STOX2: variants seen among roughly 807,000 people sequenced by gnomAD.
STOX2 encodes storkhead-box protein 2.
In STOX2, 28 loss-of-function variants were observed where a neutral mutation model predicts 60.9. The observed-to-expected ratio is 0.46, with a 90% CI of 0.34 to 0.63. The LOEUF (loss-of-function observed/expected upper bound fraction) is 0.63. Ranked by LOEUF, STOX2 falls within the 30% of genes least tolerant of loss-of-function variation. The pLI is 0.01. For missense variants in STOX2, 1,024 were observed against 1,187.7 expected (o/e 0.86, Z 2.03); for synonymous variants, 472 against 463.9 (o/e 1.02, Z -0.22).
chr4:183,851,348 T>G (rs1740129344), intron 1 of STOX2, among the ~76,000 whole-genome samples: 1 of 68,154 alleles, frequency 1.5e-5, no homozygotes, highest in Non-Finnish European at 3.1e-5. Flanking sequence ...AGGGAAAGGA[T>G]GAGAGAAAGG....
intron 1 of STOX2, among the ~76,000 whole-genome samples, chr4:183,919,672 C>T (rs1010299536): frequency 2.0e-5 from 3 of 152,128 alleles, no homozygotes; most frequent in Admixed American, 6.5e-5. Flanking sequence ...GTGGTACTAT[C>T]GTAGCTCACT....
At chr4:183,987,898 A>G (rs1443685889) in intron 1 of STOX2, 1 of 152,270 alleles carries the variant, frequency 6.6e-6, no homozygotes, top group Non-Finnish European at 1.5e-5. Flanking sequence ...AACACAACAT[A>G]GGAAAATGTG....
chr4:183,798,901 T>TCCG, intron 1 of STOX2: 1 of 619,484 alleles, frequency 1.6e-6, no homozygotes, highest in South Asian at 7.9e-5. Flanking sequence ...TTTTATACTT[T>TCCG]GAGTTTTTGT....
In STOX2 at chr4:183,821,148, CT is replaced by C. The variant is rs1739295145; in HGVS notation, c.364+23095del. 1.3e-5 allele frequency among the ~76,000 whole-genome samples: 2 copies of C among 152,112 alleles called. No homozygotes were observed. Among genetic ancestry groups the C allele is most frequent in the Admixed American group, 6.5e-5 (1 of 15,282 alleles). ...AGAAAAAGAAAAAAGAGATTTTTCT[CT>C]TCACGGTTCTGTTGAGTTCCTGGCC... On this transcript the variant is annotated intron_variant, in intron 1 of 2. Coordinates refer to the STOX2 transcript ENST00000513034. This position sits in a 1 kb window ranked among gnomAD's most constrained non-coding sequence, Gnocchi z 4.2.
Position 184,002,613 on chromosome 4 carries a change from C to G in STOX2, c.319+1136C>G, listed in dbSNP as rs80129885. 2.6e-3 allele frequency among the ~76,000 whole-genome samples: 396 copies of G among 152,174 alleles called. 1 individual carries two copies. The highest frequency in any genetic ancestry group is 8.9e-3 in the African/African-American group (370 of 41,538). On this transcript the variant is annotated intron_variant, in intron 2 of 3. Transcript: ENST00000308497. ...GGCAAATGGAGATCTCCTTCACTTG[C>G]GGGATGGCAGAGGCACCAGAGCACA...
At chr4:183,868,911 T>C (rs556034691) in intron 1 of STOX2, among the ~76,000 whole-genome samples, 26 of 152,358 alleles carry the variant, frequency 1.7e-4, no homozygotes, top group Middle Eastern at 3.4e-3. Context: ...TAAAAATATG[T>C]CTTTAATACA....
At chr4:183,819,351 C>G (rs908837229) in intron 1 of STOX2, among the ~76,000 whole-genome samples, 1 of 151,864 alleles carries the variant, frequency 6.6e-6, no homozygotes, top group Non-Finnish European at 1.5e-5. Context: ...GAGACCAGCC[C>G]GGCCAACACA....
chr4:183,961,317 TA>T (rs1743404631), intron 1 of STOX2, among the ~76,000 whole-genome samples: 1 of 152,080 alleles, frequency 6.6e-6, no homozygotes, highest in African/African-American at 2.4e-5. Context: ...TTTAAAAGCA[TA>T]AACAAAGAAT....
chr4:183,981,180 G>A (rs1440591273), intron 1 of STOX2, among the ~76,000 whole-genome samples: 1 of 152,216 alleles, frequency 6.6e-6, no homozygotes, highest in Non-Finnish European at 1.5e-5. Flanking sequence ...AATGTGGATG[G>A]TCTCCCTAAA....
At chr4:183,898,006 T>G (rs1414397659) in intron 1 of STOX2, among the ~76,000 whole-genome samples, 1 of 152,222 alleles carries the variant, frequency 6.6e-6, no homozygotes, top group Non-Finnish European at 1.5e-5. Flanking sequence ...GAAGTAAGCA[T>G]TTTAACAAAT....
rs1262345103 is a variant in STOX2, at chr4:184,009,335, A to T, written c.497A>T (p.Asp166Val). The change falls in exon 3 of 4, where the codon GAC becomes GTC. Residue 166 changes from aspartate (D) to valine (V), a missense_variant. Asp to Val is a radical substitution (Grantham distance 152). Transcript: ENST00000308497. This position sits in a 1 kb window ranked among gnomAD's most constrained non-coding sequence, Gnocchi z 4.0. ...TACCATTTGGACGAGAGGATACCTG[A>T]CCGGTCTCAGTGCACCTCTCCGCAA... is the stretch of plus-strand genomic sequence containing the variant. Reference protein sequence around the residue: ...KWYHLDERIPDRSQCTSPQPG... With the variant: ...KWYHLDERIPVRSQCTSPQPG... 3.1e-6 allele frequency: 5 copies of T among 1,613,880 alleles called. No homozygotes were observed. Among genetic ancestry groups the T allele is most frequent in the Non-Finnish European group, 4.2e-6 (5 of 1,179,854 alleles).
intron 1 of STOX2, among the ~76,000 whole-genome samples, chr4:183,840,846 C>T (rs946003747): frequency 2.0e-5 from 3 of 152,096 alleles, no homozygotes; most frequent in East Asian, 1.9e-4. Context: ...TGTGGATCTG[C>T]GGGAGAGAGT....
rs775714838 is a variant in STOX2, at chr4:183,836,283, C to A, written c.364+38228C>A. Reference sequence around the variant, plus strand: ...ATTGCTTTATCCTCTGAGGTTGCACCGCAGATCCTCTTCTGCAAGTCAATG... The same window carrying A: ...ATTGCTTTATCCTCTGAGGTTGCACAGCAGATCCTCTTCTGCAAGTCAATG... On this transcript the variant is annotated intron_variant, in intron 1 of 2. Transcript: ENST00000513034. This position sits in a 1 kb window ranked among gnomAD's most constrained non-coding sequence, Gnocchi z 4.1. 3.6e-4 allele frequency among the ~76,000 whole-genome samples: 55 copies of A among 152,244 alleles called. No individual in the cohort carries two copies. The highest frequency in any genetic ancestry group is 1.1e-3 in the African/African-American group (45 of 41,530).
intron 1 of STOX2, among the ~76,000 whole-genome samples, chr4:183,969,730 C>A (rs1743683368): frequency 1.3e-5 from 2 of 152,138 alleles, no homozygotes; most frequent in Admixed American, 6.5e-5. Context: ...AGTCATCCCT[C>A]CACCTCAGCC....
chr4:183,923,636 A>G (rs1181206278), intron 1 of STOX2, among the ~76,000 whole-genome samples: 2 of 152,172 alleles, frequency 1.3e-5, no homozygotes, highest in African/African-American at 4.8e-5. Flanking sequence ...TACACTTGTG[A>G]TTCTTTAAGT....
At chr4:183,919,858 C>T (rs1742048441) in intron 1 of STOX2, among the ~76,000 whole-genome samples, 1 of 152,150 alleles carries the variant, frequency 6.6e-6, no homozygotes, top group African/African-American at 2.4e-5. Flanking sequence ...CCTGCCTTGG[C>T]CTCCCAGTGT....
intron 1 of STOX2, among the ~76,000 whole-genome samples, chr4:183,881,386 C>T (rs970884481): frequency 4.6e-5 from 7 of 152,148 alleles, no homozygotes; most frequent in Admixed American, 6.5e-5. Context: ...CCTGTAGCCC[C>T]AGCTACTCTG....
chr4:183,926,883 A>G (rs1472671845), intron 1 of STOX2, among the ~76,000 whole-genome samples: 1 of 152,162 alleles, frequency 6.6e-6, no homozygotes, highest in East Asian at 1.9e-4. Context: ...CGGCCTCCCA[A>G]AGTGCTGAGA....
chr4:183,974,479 G>T (rs1419723214), intron 1 of STOX2, among the ~76,000 whole-genome samples: 1 of 151,712 alleles, frequency 6.6e-6, no homozygotes, highest in Admixed American at 6.6e-5. Context: ...CTATCTACAG[G>T]TAATACATTT....
Sources: allele counts gnomAD v4.1 joint callset (sites outside exome capture counted in the v4.1 genomes callset), GRCh38; gene constraint gnomAD v4.1.1; non-coding constraint Gnocchi (gnomAD v3.1); transcripts MANE v1.5; gene names NCBI Gene and HGNC (gene_info 2026-07-23, HGNC 2026-07-21).